CNTNAP5: variants seen among roughly 807,000 people sequenced by gnomAD.
CNTNAP5 encodes contactin associated protein family member 5, also known as contactin-associated protein-like 5.
A neutral mutation model predicts 150.2 loss-of-function variants in CNTNAP5; 72 were observed. The ratio of observed to expected loss-of-function variants is 0.48; its 90% CI spans 0.40 to 0.58. CNTNAP5 has a LOEUF of 0.58. Among genes scored for constraint, CNTNAP5 ranks in the 20% least tolerant of loss-of-function variants. The probability of loss-of-function intolerance (pLI) is 0.00; values close to 1 mark genes in which losing one functional copy is unlikely to be tolerated. For synonymous variants in CNTNAP5, 672 were observed against 619.8 expected (o/e 1.08, Z -1.25); for missense variants, 1,636 against 1,626.2 (o/e 1.01, Z -0.10).
chr2:124,252,664 C>T (rs1368478616), intron 3 of CNTNAP5, among the ~76,000 whole-genome samples: 1 of 152,072 alleles, frequency 6.6e-6, no homozygotes, highest in Non-Finnish European at 1.5e-5. Context: ...ATTTCTGAAA[C>T]AATTAAATGA....
At chr2:124,737,613 G>A (rs1354864901) in intron 13 of CNTNAP5, among the ~76,000 whole-genome samples, 2 of 152,126 alleles carry the variant, frequency 1.3e-5, no homozygotes, top group Non-Finnish European at 2.9e-5. Context: ...GTTGCAATAG[G>A]GAACTATTGG....
intron 13 of CNTNAP5, among the ~76,000 whole-genome samples, chr2:124,655,881 A>G (rs1678433039): frequency 1.3e-5 from 2 of 150,884 alleles, no homozygotes; most frequent in South Asian, 2.1e-4. Context: ...AGCCTCAACA[A>G]CACGTGAGAC....
At chr2:124,869,380 A>G (rs1057282833) in intron 20 of CNTNAP5, among the ~76,000 whole-genome samples, 2 of 152,178 alleles carry the variant, frequency 1.3e-5, no homozygotes, top group South Asian at 2.1e-4. Context: ...GTTTGCAGCA[A>G]AGAATTTGGT....
chr2:124,518,597 A>G (rs551048256), intron 8 of CNTNAP5, among the ~76,000 whole-genome samples: 28 of 152,312 alleles, frequency 1.8e-4, no homozygotes, highest in South Asian at 8.3e-4. Context: ...TATTGAAAAC[A>G]TGTTCATACA....
At chr2:124,857,299 A>T (rs2104710289) in intron 19 of CNTNAP5, among the ~76,000 whole-genome samples, 1 of 152,300 alleles carries the variant, frequency 6.6e-6, no homozygotes, top group African/African-American at 2.4e-5. Context: ...TCGGCATATA[A>T]GGCAATCTCA....
intron 1 of CNTNAP5, among the ~76,000 whole-genome samples, chr2:124,039,798 G>T (rs538773710): frequency 6.6e-6 from 1 of 151,756 alleles, no homozygotes; most frequent in South Asian, 2.1e-4. Context: ...AATATAGGAT[G>T]GTATATTTAA....
At chr2:124,611,030 GTTT>G (rs1169184663) in intron 12 of CNTNAP5, among the ~76,000 whole-genome samples, 2 of 57,160 alleles carry the variant, frequency 3.5e-5, no homozygotes, top group African/African-American at 8.2e-5. Context: ...CACATTTTTT[GTTT>G]GTTTGTTTGT....
chr2:124,676,331 C>T (rs1038783710), intron 13 of CNTNAP5, among the ~76,000 whole-genome samples: 1 of 152,172 alleles, frequency 6.6e-6, no homozygotes, highest in Admixed American at 6.5e-5. Flanking sequence ...ATGTGCACAG[C>T]CCTGCACATG....
intron 10 of CNTNAP5, among the ~76,000 whole-genome samples, chr2:124,548,775 G>A (rs190185122): frequency 4.5e-4 from 69 of 152,234 alleles, no homozygotes; most frequent in African/African-American, 1.4e-3. Flanking sequence ...CTTATTTAGC[G>A]CCCACAAGGA....
chr2:124,736,297 C>T (rs1479385943), intron 13 of CNTNAP5, among the ~76,000 whole-genome samples: 38 of 152,154 alleles, frequency 2.5e-4, no homozygotes, highest in Non-Finnish European at 1.5e-5. Flanking sequence ...ACTGTACTCT[C>T]CACTAAATAG....
intron 8 of CNTNAP5, among the ~76,000 whole-genome samples, chr2:124,521,332 C>T (rs1694841966): frequency 6.6e-6 from 1 of 152,150 alleles, no homozygotes; most frequent in Non-Finnish European, 1.5e-5. Flanking sequence ...CCACTGCAGG[C>T]ATTGGGGAAC....
chr2:124,221,258 C>T (rs368526284), intron 1 of CNTNAP5, among the ~76,000 whole-genome samples: 10 of 152,230 alleles, frequency 6.6e-5, no homozygotes, highest in South Asian at 6.2e-4. Context: ...ACAATTATTA[C>T]GGGAGCTCTT....
intron 3 of CNTNAP5, among the ~76,000 whole-genome samples, chr2:124,347,154 G>A (rs1275883454): frequency 6.6e-6 from 1 of 152,116 alleles, no homozygotes; most frequent in East Asian, 1.9e-4. Flanking sequence ...GAGCCACTAT[G>A]TTTATGGTAA....
At chr2:124,909,666 C>T (rs917939837) in intron 22 of CNTNAP5, among the ~76,000 whole-genome samples, 1 of 150,686 alleles carries the variant, frequency 6.6e-6, no homozygotes, top group African/African-American at 2.4e-5. Flanking sequence ...TTCTTTCCTC[C>T]TTGTCTTCTA....
intron 1 of CNTNAP5, among the ~76,000 whole-genome samples, chr2:124,156,597 G>A (rs1684554572): frequency 6.6e-6 from 1 of 152,090 alleles, no homozygotes; most frequent in East Asian, 1.9e-4. Flanking sequence ...CCAGGTTCAC[G>A]CGATTCTCCT....
chr2:124,616,359 A>T (rs1178012282), intron 12 of CNTNAP5, among the ~76,000 whole-genome samples: 1 of 152,164 alleles, frequency 6.6e-6, no homozygotes, highest in African/African-American at 2.4e-5. Context: ...AAACCTCATG[A>T]TCCGGCCTCT....
At chr2:124,259,668 G>T (rs1418361913) in intron 3 of CNTNAP5, among the ~76,000 whole-genome samples, 1 of 152,162 alleles carries the variant, frequency 6.6e-6, no homozygotes, top group Non-Finnish European at 1.5e-5. Flanking sequence ...TTTGAAAAGT[G>T]TCTGTTCATA....
intron 1 of CNTNAP5, among the ~76,000 whole-genome samples, chr2:124,150,811 T>A (rs886342668): frequency 7.2e-5 from 11 of 152,230 alleles, no homozygotes; most frequent in Admixed American, 2.6e-4. Context: ...ACATTGGGAA[T>A]TAAGGCTTCA....
chr2:124,366,817 C>G (rs754439834), intron 3 of CNTNAP5, among the ~76,000 whole-genome samples: 1 of 152,046 alleles, frequency 6.6e-6, no homozygotes, highest in African/African-American at 2.4e-5. Context: ...ATCCCAGCCT[C>G]GCTCCTACAC....
Sources: gnomAD v4.1 joint callset for allele counts (sites outside exome capture counted in the v4.1 genomes callset) on GRCh38, gnomAD v4.1.1 for gene constraint, MANE v1.5 for transcripts, NCBI Gene and HGNC (gene_info 2026-07-23, HGNC 2026-07-21) for gene names.